FREM2: variants seen among roughly 807,000 people sequenced by gnomAD.
FREM2 encodes FRAS1 related extracellular matrix 2.
In FREM2, 119 loss-of-function variants were observed where a neutral mutation model predicts 219.9. That is an observed-to-expected ratio of 0.54 (90% confidence interval 0.47 to 0.63). The LOEUF is 0.63. FREM2 is among the 30% of genes least tolerant of loss of function. FREM2 has a pLI of 0.00. For missense variants in FREM2, 4,030 were observed against 3,993.6 expected (o/e 1.01, Z -0.25); for synonymous variants, 1,562 against 1,522.8 (o/e 1.03, Z -0.60).
chr13:38,786,164 C>T (rs1874321247), intron 6 of FREM2, among the ~76,000 whole-genome samples: 2 of 152,116 alleles, frequency 1.3e-5, no homozygotes, highest in Non-Finnish European at 2.9e-5. Context: ...CTCCTCTTAT[C>T]TAGCTGTAAT....
intron 6 of FREM2, among the ~76,000 whole-genome samples, chr13:38,797,747 T>C (rs1874849738): frequency 6.6e-6 from 1 of 152,036 alleles, no homozygotes; most frequent in Admixed American, 6.6e-5. Context: ...TAGTTCTTAG[T>C]TTTTATAGTT....
intron 6 of FREM2, among the ~76,000 whole-genome samples, chr13:38,799,663 A>G (rs1198159202): frequency 1.3e-5 from 2 of 151,912 alleles, no homozygotes; most frequent in African/African-American, 4.8e-5. Flanking sequence ...GTGCATATGT[A>G]TTTTGGATTG....
At chr13:38,776,901 T>C (rs1417751959) in intron 4 of FREM2, among the ~76,000 whole-genome samples, 2 of 152,138 alleles carry the variant, frequency 1.3e-5, no homozygotes, top group Non-Finnish European at 1.5e-5. Context: ...AGTCATTTTT[T>C]TTCTATGAGA....
intron 6 of FREM2, among the ~76,000 whole-genome samples, chr13:38,822,371 T>TA (rs1192531809): frequency 6.8e-6 from 1 of 146,636 alleles, no homozygotes; most frequent in African/African-American, 2.6e-5. Context: ...TTTTTTTTTT[T>TA]AAGAATCACA....
At chr13:38,867,654 C>T (rs1341796144) in intron 16 of FREM2, among the ~76,000 whole-genome samples, 1 of 152,178 alleles carries the variant, frequency 6.6e-6, no homozygotes, top group Non-Finnish European at 1.5e-5. Context: ...TGGTGTGGCC[C>T]ACTCCAAGAG....
chr13:38,716,413 T>C (rs1871002920), intron 2 of FREM2, among the ~76,000 whole-genome samples: 1 of 152,242 alleles, frequency 6.6e-6, no homozygotes, highest in Non-Finnish European at 1.5e-5. Context: ...GCATCAGCAC[T>C]GAATATTCTC....
chr13:38,710,450 C>T (rs1210747123), intron 2 of FREM2, among the ~76,000 whole-genome samples: 2 of 152,086 alleles, frequency 1.3e-5, no homozygotes, highest in African/African-American at 2.4e-5. Flanking sequence ...GGCCTTGAAC[C>T]CTGGCTCTGC....
At chr13:38,837,780 G>GTTTTTTTTTTT (rs938384017) in intron 6 of FREM2, among the ~76,000 whole-genome samples, 1 of 133,160 alleles carries the variant, frequency 7.5e-6, no homozygotes, top group Non-Finnish European at 1.6e-5. Context: ...TTTTTGTTTT[G>GTTTTTTTTTTT]TTTTGTTTTG....
At chr13:38,716,508 TTC>T (rs1277277548) in intron 2 of FREM2, among the ~76,000 whole-genome samples, 1 of 152,072 alleles carries the variant, frequency 6.6e-6, no homozygotes, top group Non-Finnish European at 1.5e-5. Context: ...ATCATCTCTG[TTC>T]TTTCCTTTTT....
Position 38,691,661 on chromosome 13 carries a change from TACA to T in FREM2, c.4321_4323del (p.Thr1441del). Reference sequence around the variant, plus strand: ...TGAAAGAAGGTGGCAAAGTCACTCTTACAACAGACCTACTAAGCACTAGTGACT... The same window carrying T: ...TGAAAGAAGGTGGCAAAGTCACTCTTACAGACCTACTAAGCACTAGTGACT... On this transcript the variant is annotated inframe_deletion, in exon 1 of 24. Coordinates refer to ENST00000280481, the MANE Select transcript of FREM2 (RefSeq NM_207361.6). The T allele has an allele frequency of 6.2e-7, 1 of 1,614,178 alleles. No homozygotes were observed. Among genetic ancestry groups the T allele is most frequent in the Non-Finnish European group, 8.5e-7 (1 of 1,180,022 alleles).
chr13:38,856,465 A>G (rs1212429725), intron 12 of FREM2, among the ~76,000 whole-genome samples: 2 of 152,136 alleles, frequency 1.3e-5, no homozygotes, highest in Non-Finnish European at 1.5e-5. Context: ...TTGAAAAATC[A>G]TGTTTGTCGA....
chr13:38,819,071 T>TA (rs1330642364), intron 6 of FREM2, among the ~76,000 whole-genome samples: 1 of 152,008 alleles, frequency 6.6e-6, no homozygotes, highest in Non-Finnish European at 1.5e-5. Flanking sequence ...AAAACAAATT[T>TA]AAAAACAAAG....
At chr13:38,783,544 T>C (rs1874208671) in intron 5 of FREM2, among the ~76,000 whole-genome samples, 1 of 150,956 alleles carries the variant, frequency 6.6e-6, no homozygotes, top group South Asian at 2.1e-4. Context: ...TAAAACCAGT[T>C]TGCAACTCAT....
At chr13:38,804,861 T>C (rs2073333074) in intron 6 of FREM2, among the ~76,000 whole-genome samples, 1 of 152,116 alleles carries the variant, frequency 6.6e-6, no homozygotes, top group Non-Finnish European at 1.5e-5. Context: ...GCTCCTTGGA[T>C]TGGGAGTTAG....
In FREM2 at chr13:38,861,614, C is replaced by T. The variant is rs144277201; in HGVS notation, c.7651+52C>T. On this transcript the variant is annotated intron_variant, in intron 15 of 23. Coordinates refer to ENST00000280481, the MANE Select transcript of FREM2 (RefSeq NM_207361.6). ...TGGAATTGTTTTGGACTCCTCATTA[C>T]CTGTTGTATTTTCCTTCATCTTCTA... 84 of 1,591,792 alleles carry T rather than the reference C, an allele frequency of 5.3e-5. No homozygotes were observed. In the East Asian group the frequency reaches 1.9e-3, roughly 36 times the overall value.
At position 38,859,300 on chromosome 13, in the gene FREM2, A is replaced by G. The variant is rs1877670625; in HGVS notation, c.7229A>G (p.Lys2410Arg). Residue 2410 changes from lysine (K) to arginine (R), a missense_variant, in exon 14 of 24, where the codon AAA becomes AGA. This residue lies in a region of FREM2 where 928 missense variants were observed against 1,042.9 expected (regional missense o/e 0.89). Coordinates refer to ENST00000280481, the MANE Select transcript of FREM2 (RefSeq NM_207361.6). ...PVICITACNP[K>R]YSDYDKTGSI... is the part of the protein sequence containing the mutation. ...TGTTTTCCGTAGGCTTGCAACCCCA[A>G]ATATTCAGACTACGATAAAACAGGC... The G allele has an allele frequency of 1.2e-6, 2 of 1,614,196 alleles. No individual in the cohort carries two copies. The highest frequency in any genetic ancestry group is 1.7e-5 in the Admixed American group (1 of 60,020).
intron 6 of FREM2, among the ~76,000 whole-genome samples, chr13:38,815,707 G>C (rs1161556795): frequency 6.6e-6 from 1 of 152,176 alleles, no homozygotes; most frequent in African/African-American, 2.4e-5. Flanking sequence ...TTTGATGAGG[G>C]ACTCAGGCTG....
chr13:38,826,443 A>G (rs1341902981), intron 6 of FREM2, among the ~76,000 whole-genome samples: 1 of 152,080 alleles, frequency 6.6e-6, no homozygotes, highest in Non-Finnish European at 1.5e-5. Flanking sequence ...GACTGCTAAT[A>G]TAGAGTAACA....
chr13:38,692,828 C>G (rs983676602), intron 1 of FREM2, among the ~76,000 whole-genome samples: 3 of 152,172 alleles, frequency 2.0e-5, no homozygotes, highest in Admixed American at 2.0e-4. Context: ...TTTGCCATAC[C>G]TATCCAACGC....
Sources: gnomAD v4.1 joint callset for allele counts (sites outside exome capture counted in the v4.1 genomes callset) on GRCh38, gnomAD v4.1.1 for gene constraint, gnomAD v4.1.1 regional missense constraint, MANE v1.5 for transcripts, NCBI Gene and HGNC (gene_info 2026-07-23, HGNC 2026-07-21) for gene names.